The following SORBS3 variants were observed in gnomAD, a reference collection of about 807,000 sequenced individuals.
The protein encoded by SORBS3 is sorbin and SH3 domain containing 3, also known as vinexin.
SORBS3 carries 69 observed loss-of-function variants against 98.0 expected under a neutral mutation model. The ratio of observed to expected loss-of-function variants is 0.70; its 90% CI spans 0.58 to 0.86. The LOEUF (loss-of-function observed/expected upper bound fraction) is 0.86. SORBS3 is among the 40% of genes least tolerant of loss of function. The pLI, the probability that SORBS3 is intolerant of heterozygous loss-of-function variation, is 0.00. For synonymous variants in SORBS3, 394 were observed against 355.4 expected, an observed-to-expected ratio of 1.11 and a Z score of -1.22; for missense variants, 954 against 908.5, an observed-to-expected ratio of 1.05 and a Z score of -0.64.
At position 22,565,358 on chromosome 8, in the gene SORBS3, C is replaced by G. The variant is rs947078290; in HGVS notation, c.903+4C>G. The G allele has an allele frequency of 2.5e-5, 39 of 1,547,592 alleles. No homozygotes were observed. Among genetic ancestry groups the G allele is most frequent in the Non-Finnish European group, 3.4e-5 (39 of 1,145,672 alleles). On this transcript the variant is annotated splice_donor_region_variant and intron_variant, in intron 11 of 20. Coordinates refer to ENST00000240123, the MANE Select transcript of SORBS3 (RefSeq NM_005775.5). ...GACCCGACTGCCGTCCCCCAAGGTA[C>G]CAGCCCCCAGGGTTCACCCGCGGGG...
chr8:22,548,307 C>T (rs1033745008), upstream of SORBS3, among the ~76,000 whole-genome samples: 17 of 152,290 alleles, frequency 1.1e-4, no homozygotes, highest in Middle Eastern at 3.4e-3. Context: ...GCAACATTTG[C>T]AGGAGCAGGA....
intron 11 of SORBS3, 58 bp from the exon 12 acceptor site, chr8:22,565,768 C>A: frequency 7.7e-7 from 1 of 1,297,924 alleles, no homozygotes; most frequent in Admixed American, 3.7e-5. Flanking sequence ...AGGCGGCGGC[C>A]TCGGCTGCCG....
At position 22,569,275 on chromosome 8, in the gene SORBS3, T is replaced by G. The variant is rs1586904998; in HGVS notation, c.1431+2T>G. ...GAGGTGGAGCTGTCCTTCCGCAAGG[T>G]GGGCCAGGCCGGAGACGGAGGGGTG... is the stretch of plus-strand genomic sequence containing the variant. On this transcript the variant is annotated splice_donor_variant, in intron 17 of 20. Transcript: ENST00000240123. LOFTEE classifies it high-confidence loss of function. The G allele has an allele frequency of 1.3e-6, 2 of 1,582,884 alleles. No individual in the cohort carries two copies. The highest frequency in any genetic ancestry group is 1.7e-6 in the Non-Finnish European group (2 of 1,163,286).
intron 7 of SORBS3, 100 bp downstream of exon 7, chr8:22,562,031 G>A (rs1840307351): frequency 8.6e-7 from 1 of 1,158,978 alleles, no homozygotes; most frequent in East Asian, 2.4e-5. Flanking sequence ...CACAGCCTCG[G>A]AGCCCAGCCA....
At chr8:22,550,341 T>C (rs762635065), upstream of SORBS3, among the ~76,000 whole-genome samples, 1 of 152,226 alleles carries the variant, frequency 6.6e-6, no homozygotes, top group Non-Finnish European at 1.5e-5. Flanking sequence ...CAGTTGCCTT[T>C]ACATAGATGC....
At chr8:22,563,401 CACAG>C (rs1840336416) in intron 7 of SORBS3, among the ~76,000 whole-genome samples, 1 of 152,064 alleles carries the variant, frequency 6.6e-6, no homozygotes, top group Non-Finnish European at 1.5e-5. Flanking sequence ...GGGGTGGTCT[CACAG>C]ACAGAGTCAC....
At chr8:22,553,444 G>A (rs560814034) in intron 1 of SORBS3, among the ~76,000 whole-genome samples, 2 of 152,272 alleles carry the variant, frequency 1.3e-5, no homozygotes, top group African/African-American at 4.8e-5. Context: ...CCGTAGCACC[G>A]TGCTCTGGGT....
intron 17 of SORBS3, among the ~76,000 whole-genome samples, chr8:22,569,584 C>T (rs958897462): frequency 2.6e-5 from 4 of 152,152 alleles, no homozygotes; most frequent in East Asian, 3.9e-4. Context: ...ATAATCCACC[C>T]GCCTCAGCCT....
At chr8:22,548,074 A>G (rs1840034840), upstream of SORBS3, among the ~76,000 whole-genome samples, 1 of 152,186 alleles carries the variant, frequency 6.6e-6, no homozygotes. Flanking sequence ...TCAGGCCCCA[A>G]TACCCATCAT....
intron 6 of SORBS3, 96 bp from the exon 7 acceptor site, chr8:22,561,769 T>G (rs1206729657): frequency 9.9e-6 from 11 of 1,115,266 alleles, no homozygotes; most frequent in Non-Finnish European, 1.5e-5. Flanking sequence ...AAGGGGGTGG[T>G]GCTGAAACTC....
Position 22,551,931 on chromosome 8 carries a change from C to T in SORBS3, c.-147C>T, listed in dbSNP as rs1840089959. ...CGGCCCGCGCTTCTCCTTGCCCTTC[C>T]TCCTCGAGCGCCCGCGCCAGGCAGC... On this transcript the variant is annotated 5_prime_UTR_variant, in exon 1 of 21. Transcript: ENST00000240123. This position sits in a 1 kb window ranked among gnomAD's most constrained non-coding sequence, Gnocchi z 5.8. The T allele has an allele frequency of 1.0e-6, 1 of 985,490 alleles. No homozygotes were observed. Among genetic ancestry groups the T allele is most frequent in the Admixed American group, 6.1e-5 (1 of 16,286 alleles). 61.0% of individuals were successfully genotyped at this position (985,490 alleles called of 1,614,324 possible).
At chr8:22,548,675 G>A (rs1264453196), upstream of SORBS3, among the ~76,000 whole-genome samples, 5 of 152,174 alleles carry the variant, frequency 3.3e-5, no homozygotes, top group African/African-American at 9.7e-5. Context: ...GCTGCCCAGG[G>A]TAGATCTCAG....
At chr8:22,550,979 G>A (rs1840070313), upstream of SORBS3, among the ~76,000 whole-genome samples, 1 of 152,236 alleles carries the variant, frequency 6.6e-6, no homozygotes, top group African/African-American at 2.4e-5. Context: ...GGCAGAGACA[G>A]GGAGAGGGGA....
rs781718551 is a variant in SORBS3 at position 22,556,870 on chromosome 8, C to T, written c.376C>T (p.Pro126Ser). Residue 126 changes from proline to serine, a missense_variant, in exon 4 of 21, where the codon CCC (proline) becomes TCC (serine). By Grantham distance (74) the Pro-to-Ser change is moderately conservative. Coordinates refer to ENST00000240123, the MANE Select transcript of SORBS3 (RefSeq NM_005775.5). ...KRWVKYEGIG[P>S]VDESGMPIAP... is the part of the protein sequence containing the mutation. ...CTGGGTCAAGTACGAGGGAATCGGG[C>T]CCGTGGACGAGAGCGGCATGCCCAT... The T allele has an allele frequency of 5.6e-6, 9 of 1,613,322 alleles. No individual in the cohort carries two copies. In the East Asian group the frequency reaches 1.6e-4, roughly 28 times the overall value.
Position 22,574,348 on chromosome 8 carries a change from G to T in SORBS3, c.1955-319G>T, listed in dbSNP as rs117981741. On this transcript the variant is annotated intron_variant, in intron 20 of 20. Transcript: ENST00000240123. ...CTATTAGACCAGGGACGTTTCTCCC[G>T]ATTTCAGTTCTGTGATTCCTCCTCC... is the stretch of plus-strand genomic sequence containing the variant. 7.2e-4 allele frequency among the ~76,000 whole-genome samples: 110 copies of T among 152,288 alleles called. No homozygotes were observed. In the East Asian group the frequency reaches 0.019, roughly 26 times the overall value.
intron 1 of SORBS3, among the ~76,000 whole-genome samples, chr8:22,552,941 C>A (rs899895974): frequency 6.6e-6 from 1 of 152,206 alleles, no homozygotes; most frequent in South Asian, 2.1e-4. Flanking sequence ...TCCACTCCCC[C>A]CAGTCAGGCA....
chr8:22,568,156 T>C (rs1840475735), intron 16 of SORBS3, among the ~76,000 whole-genome samples: 1 of 152,186 alleles, frequency 6.6e-6, no homozygotes, highest in African/African-American at 2.4e-5. Flanking sequence ...CCGGCTGATA[T>C]GTTCTCTTTC....
intron 16 of SORBS3, among the ~76,000 whole-genome samples, chr8:22,567,417 C>T (rs1017741964): frequency 6.6e-6 from 1 of 152,238 alleles, no homozygotes; most frequent in South Asian, 2.1e-4. Context: ...CTCAACCATT[C>T]GTGTCCCAGA....
In SORBS3 at chr8:22,567,157, C is replaced by T; in HGVS notation, c.1287C>T (p.Phe429=). 1 of 1,612,404 alleles carries T rather than the reference C, an allele frequency of 6.2e-7. No homozygotes were observed. ...EGEHHGRLGI[F]PANYVEVLPA... ...AGCACCACGGCCGCCTGGGCATCTTCCCTGCTAATTATGTGGAGGTGAGCA... is the reference window on the plus strand; with the variant it reads ...AGCACCACGGCCGCCTGGGCATCTTTCCTGCTAATTATGTGGAGGTGAGCA... The change falls in exon 16 of 21, where the codon TTC becomes TTT. Residue 429 remains phenylalanine (F), a synonymous_variant. Transcript: ENST00000240123.
Sources: gnomAD v4.1 joint callset for allele counts (sites outside exome capture counted in the v4.1 genomes callset) on GRCh38, gnomAD v4.1.1 for gene constraint, Gnocchi (gnomAD v3.1) non-coding constraint, MANE v1.5 for transcripts, NCBI Gene and HGNC (gene_info 2026-07-23, HGNC 2026-07-21) for gene names.